The following SMYD5 variants were observed in gnomAD, a reference collection of about 807,000 sequenced individuals.
SMYD5 encodes the protein protein-lysine N-trimethyltransferase SMYD5.
SMYD5 carries 35 observed loss-of-function variants against 57.4 expected under a neutral mutation model. That is an observed-to-expected ratio of 0.61 (90% CI 0.47 to 0.81). SMYD5 has a LOEUF of 0.81. SMYD5 is among the 30% of genes least tolerant of loss of function. The pLI, the probability that SMYD5 is intolerant of heterozygous loss-of-function variation, is 0.00. For missense variants in SMYD5, 471 were observed against 527.9 expected (o/e 0.89, Z 1.06); for synonymous variants, 198 against 189.7 (o/e 1.04, Z -0.36).
At chr2:73,214,909 G>GA (rs1393606348) in intron 1 of SMYD5, 38 of 863,216 alleles carry the variant, frequency 4.4e-5, no homozygotes, top group South Asian at 5.3e-5. Flanking sequence ...GTTCATTGTA[G>GA]AAAAAAATAC....
rs1010763804 is a variant in SMYD5, at chr2:73,223,254, C to T, written c.776+148C>T. On this transcript the variant is annotated intron_variant, in intron 8 of 12. Coordinates refer to ENST00000389501, the MANE Select transcript of SMYD5 (RefSeq NM_006062.3). ...CACAGTGGTGGGAATCAGAATGAGG[C>T]ATTGGAATCTGTTTTGGGGAGCCTC... is the stretch of plus-strand genomic sequence containing the variant. 2.4e-5 allele frequency: 20 copies of T among 841,748 alleles called. No individual in the cohort carries two copies. In the Admixed American group the frequency reaches 2.4e-4, roughly 10 times the overall value. The allele number at this position is 841,748 out of a possible 1,614,324, so 52.1% of individuals were successfully genotyped here.
chr2:73,220,022 A>G, intron 2 of SMYD5, 29 bp from the exon 3 acceptor site: 2 of 1,613,970 alleles, frequency 1.2e-6, no homozygotes, highest in Non-Finnish European at 8.5e-7. Flanking sequence ...TGCTCTCAAG[A>G]TATTGTTGTG....
chr2:73,225,922 G>A lies in SMYD5; in HGVS notation c.1233G>A (p.Leu411=). ...AAGGAGAGCCAGAAGATGCAGAGCT[G>A]GGGGATGAGATGACTGATGTGTGAT... ...EEEGEPEDAE[L]GDEMTDV Residue 411 remains leucine (L), a synonymous_variant, in exon 13 of 13, where the codon CTG becomes CTA. Transcript: ENST00000389501. 6.2e-7 allele frequency: 1 copy of A among 1,614,042 alleles called. No individual in the cohort carries two copies. Among genetic ancestry groups the A allele is most frequent in the Non-Finnish European group, 8.5e-7 (1 of 1,179,898 alleles).
rs142352890 is a variant in SMYD5 at position 73,220,048 on chromosome 2, C to T, written c.206-3C>T. On this transcript the variant is annotated splice_polypyrimidine_tract_variant and splice_region_variant and intron_variant, in intron 2 of 12. Transcript: ENST00000389501. ...TATTGTTGTGTCTGGCTCTCACCGT[C>T]AGCCTGTGACCACTGCCTTAGGGCA... The T allele has an allele frequency of 2.1e-5, 34 of 1,614,206 alleles. No individual in the cohort carries two copies. The highest frequency in any genetic ancestry group is 2.5e-5 in the Non-Finnish European group (29 of 1,180,016).
chr2:73,223,727 T>C (rs1686448796), intron 9 of SMYD5, among the ~76,000 whole-genome samples, 195 bp downstream of exon 9: 1 of 151,986 alleles, frequency 6.6e-6, no homozygotes, highest in Non-Finnish European at 1.5e-5. Flanking sequence ...AGAGGCTTGA[T>C]GCTGGGAGGA....
intron 1 of SMYD5, among the ~76,000 whole-genome samples, chr2:73,218,324 T>G (rs1440640558): frequency 6.6e-6 from 1 of 152,198 alleles, no homozygotes; most frequent in African/African-American, 2.4e-5. Flanking sequence ...ACCAAGGACT[T>G]GTTGGATGCC....
chr2:73,220,775 G>A lies in SMYD5; in HGVS notation c.460G>A (p.Ala154Thr), dbSNP rs115495075. Residue 154 changes from alanine to threonine, a missense_variant, in exon 4 of 13, where the codon GCA becomes ACA. Ala to Thr is a moderately conservative substitution (Grantham distance 58). Transcript: ENST00000389501. ...PLHPLNKLQE[A>T]WRSIHYPPET... ...GCATCCTCTCAATAAGCTTCAGGAG[G>A]CATGGAGGTAGGTTTCTTTTCCTCT... 4.8e-4 allele frequency: 767 copies of A among 1,613,902 alleles called. 4 individuals carry two copies. The African/African-American group carries it at 9.5e-3, about 20-fold the overall frequency.
rs989936153 is a variant in SMYD5, at chr2:73,221,042, A to G, written c.468-123A>G. 141 of 970,512 alleles carry G rather than the reference A, an allele frequency of 1.5e-4. 2 individuals are homozygous for G. In the Middle Eastern group the frequency reaches 1.7e-3, roughly 12 times the overall value. 60.1% of individuals were successfully genotyped at this position (970,512 alleles called of 1,614,324 possible). On this transcript the variant is annotated intron_variant, in intron 4 of 12. Transcript: ENST00000389501. ...CAAAGTCTTGCCTAAGTCCTTGTCT[A>G]TGACTTTCCTGGTAATTGATGGAAT...
intron 3 of SMYD5, 76 bp from the exon 4 acceptor site, chr2:73,220,585 T>C: frequency 6.5e-7 from 1 of 1,549,318 alleles, no homozygotes; most frequent in Non-Finnish European, 8.9e-7. Flanking sequence ...CAGGGGCTAT[T>C]TGTGGAAGGA....
At chr2:73,216,874 G>A (rs1004070839) in intron 1 of SMYD5, among the ~76,000 whole-genome samples, 5 of 151,850 alleles carry the variant, frequency 3.3e-5, no homozygotes, top group African/African-American at 1.2e-4. Flanking sequence ...CGGCCTGCAC[G>A]ATTTTTTCTT....
chr2:73,222,687 G>T, intron 6 of SMYD5, 68 bp from the exon 7 acceptor site: 1 of 1,387,080 alleles, frequency 7.2e-7, no homozygotes, highest in East Asian at 2.4e-5. Context: ...CTAGTCGCCT[G>T]GGCCCTGCCT....
intron 10 of SMYD5, among the ~76,000 whole-genome samples, chr2:73,224,452 C>T (rs1686461254): frequency 6.6e-6 from 1 of 152,152 alleles, no homozygotes; most frequent in African/African-American, 2.4e-5. Context: ...GGTTTCCTCA[C>T]TGCAAACTCC....
chr2:73,226,138 T>C lies in SMYD5; in HGVS notation c.*192T>C, dbSNP rs888142580. The C allele has an allele frequency of 2.8e-5, 21 of 737,828 alleles. No homozygotes were observed. The highest frequency in any genetic ancestry group is 2.3e-4 in the African/African-American group (13 of 56,342). 45.7% of individuals were successfully genotyped at this position (737,828 alleles called of 1,614,324 possible). A position where few individuals can be genotyped will look rare whatever the true frequency, so the allele number is the denominator to read the frequency against. ...CCACCAGACCTCATGCCCTGGACAC[T>C]GCTGCTGAGTTGGCTCAGACTCTGC... On this transcript the variant is annotated 3_prime_UTR_variant, in exon 13 of 13. Coordinates refer to ENST00000389501, the MANE Select transcript of SMYD5 (RefSeq NM_006062.3).
rs758931377 is a variant in SMYD5, at chr2:73,223,422, C to A, written c.777-4C>A. On this transcript the variant is annotated splice_polypyrimidine_tract_variant and splice_region_variant and intron_variant, in intron 8 of 12. Transcript: ENST00000389501. ...CCAACCATGGGCTGCCTGGGACCCC[C>A]CAGCTCCCTAAGCCAGTGGGTCCAT... 6.2e-7 allele frequency: 1 copy of A among 1,609,448 alleles called. No individual in the cohort carries two copies. The highest frequency in any genetic ancestry group is 8.5e-7 in the Non-Finnish European group (1 of 1,175,892).
At position 73,218,872 on chromosome 2, in the gene SMYD5, G is replaced by T. The variant is rs772346750; in HGVS notation, c.108G>T (p.Leu36=). 6.2e-7 allele frequency: 1 copy of T among 1,613,900 alleles called. No individual in the cohort carries two copies. The highest frequency in any genetic ancestry group is 8.5e-7 in the Non-Finnish European group (1 of 1,179,756). ...CTCTGCCCTCTCAGGGAAAGGGGCT[G>T]TTTGCCACACAGCTCATCCGGAAGG... is the stretch of plus-strand genomic sequence containing the variant. ...RFVSSAKGKG[L]FATQLIRKGE... is the part of the protein sequence containing the mutation. Residue 36 remains leucine (L), a synonymous_variant, in exon 2 of 13, where the codon CTG becomes CTT. Coordinates refer to ENST00000389501, the MANE Select transcript of SMYD5 (RefSeq NM_006062.3).
chr2:73,214,295 CCTTCTGCGTG>C lies in SMYD5; in HGVS notation c.30_39del (p.Phe11AlafsTer15). 6.2e-7 allele frequency: 1 copy of C among 1,613,924 alleles called. No individual in the cohort carries two copies. The highest frequency in any genetic ancestry group is 8.5e-7 in the Non-Finnish European group (1 of 1,179,920). On this transcript the variant is annotated frameshift_variant, in exon 1 of 13. Transcript: ENST00000389501. LOFTEE classifies it high-confidence loss of function. Reference sequence around the variant, plus strand: ...GCGGCCTCCATGTGCGACGTGTTCTCCTTCTGCGTGGGCGTGGCGGGCCGCGCGCGGGTCT... The same window carrying C: ...GCGGCCTCCATGTGCGACGTGTTCTCGGCGTGGCGGGCCGCGCGCGGGTCT...
rs750375527 is a variant in SMYD5, at chr2:73,221,167, G to T, written c.470G>T (p.Ser157Ile). The change falls in exon 5 of 13, where the codon AGT becomes ATT. Residue 157 changes from serine (S) to isoleucine (I), a missense_variant and splice_region_variant. Coordinates refer to ENST00000389501, the MANE Select transcript of SMYD5 (RefSeq NM_006062.3). ...PLNKLQEAWR[S>I]IHYPPETASI... ...CAATCTTTTTTCTCTTTCCCCAGGA[G>T]TATTCACTACCCACCTGAGACTGCA... The T allele has an allele frequency of 1.2e-6, 2 of 1,613,824 alleles. No individual in the cohort carries two copies. The highest frequency in any genetic ancestry group is 1.7e-6 in the Non-Finnish European group (2 of 1,179,760).
intron 1 of SMYD5, 67 bp from the exon 2 acceptor site, chr2:73,218,794 C>T: frequency 8.2e-7 from 1 of 1,213,274 alleles, no homozygotes; most frequent in African/African-American, 1.5e-5. Context: ...TGGACAGCCT[C>T]CTGGAAGCTC....
At chr2:73,220,228 G>A in intron 3 of SMYD5, 38 bp downstream of exon 3, 1 of 1,609,252 alleles carries the variant, frequency 6.2e-7, no homozygotes, top group South Asian at 1.1e-5. Context: ...AAGGGGGTGG[G>A]TGAGGGAGGC....
Sources: gnomAD v4.1 joint callset for allele counts (sites outside exome capture counted in the v4.1 genomes callset) on GRCh38, gnomAD v4.1.1 for gene constraint, MANE v1.5 for transcripts, NCBI Gene and HGNC (gene_info 2026-07-23, HGNC 2026-07-21) for gene names.